The following BBOX1 variants were observed in gnomAD, a reference collection of about 807,000 sequenced individuals.
BBOX1 encodes gamma-butyrobetaine dioxygenase.
BBOX1 carries 35 observed loss-of-function variants against 41.6 expected under a neutral mutation model. The observed-to-expected ratio is 0.84, with a 90% CI of 0.64 to 1.11. The LOEUF is 1.11. Among genes scored for constraint, BBOX1 ranks in the 50% most tolerant of loss-of-function variants. The probability of loss-of-function intolerance (pLI) is 0.00; values close to 1 mark genes in which losing one functional copy is unlikely to be tolerated. For missense variants in BBOX1, 458 were observed against 460.6 expected, an observed-to-expected ratio of 0.99 and a Z score of 0.05; for synonymous variants, 163 against 154.7, an observed-to-expected ratio of 1.05 and a Z score of -0.40.
chr11:27,073,915 G>A (rs1857548697), intron 4 of BBOX1, among the ~76,000 whole-genome samples: 1 of 152,010 alleles, frequency 6.6e-6, no homozygotes, highest in African/African-American at 2.4e-5. Context: ...GCCTGTTGTG[G>A]GGTGGGGGTA....
intron 4 of BBOX1, among the ~76,000 whole-genome samples, chr11:27,084,348 C>T (rs1180889004): frequency 6.6e-6 from 1 of 152,074 alleles, no homozygotes; most frequent in East Asian, 1.9e-4. Flanking sequence ...AAATTTCTTG[C>T]ATTCAAATCT....
intron 5 of BBOX1, among the ~76,000 whole-genome samples, chr11:27,097,944 G>C (rs1455533349): frequency 6.6e-6 from 1 of 151,908 alleles, no homozygotes; most frequent in Non-Finnish European, 1.5e-5. Flanking sequence ...ATCCAACTCA[G>C]ACACATGCCA....
At chr11:27,089,503 T>C (rs540304137) in intron 4 of BBOX1, among the ~76,000 whole-genome samples, 1 of 152,180 alleles carries the variant, frequency 6.6e-6, no homozygotes, top group Admixed American at 6.6e-5. Flanking sequence ...CCTAATTCCA[T>C]ACAACAGTCT....
rs763615718 is a variant in BBOX1, at chr11:27,055,624, A to T, written c.194A>T (p.Lys65Ile). 1.2e-6 allele frequency: 2 copies of T among 1,613,720 alleles called. No homozygotes were observed. The highest frequency in any genetic ancestry group is 1.7e-6 in the Non-Finnish European group (2 of 1,179,768). ...VEALDVNIGI[K>I]GLIFDRKKVY... is the part of the protein sequence containing the mutation. ...GCTCTTGATGTGAACATTGGAATTA[A>T]AGGCTTGATATTTGACAGAAAAAAG... Residue 65 changes from lysine (K) to isoleucine (I), a missense_variant, in exon 3 of 9, where the codon AAA (lysine) becomes ATA (isoleucine). Lys to Ile is a moderately radical substitution (Grantham distance 102, BLOSUM62 -3). Transcript: ENST00000263182.
intron 4 of BBOX1, among the ~76,000 whole-genome samples, chr11:27,092,913 T>C (rs574096631): frequency 4.6e-5 from 7 of 152,008 alleles, no homozygotes; most frequent in African/African-American, 7.2e-5. Context: ...CTAAACAATA[T>C]TCCCTTAACA....
chr11:27,073,534 C>T (rs1857528900), intron 4 of BBOX1, among the ~76,000 whole-genome samples: 1 of 148,358 alleles, frequency 6.7e-6, no homozygotes, highest in African/African-American at 2.6e-5. Context: ...ACTAGAAATA[C>T]CATTTGACCC....
At chr11:27,057,869 A>G (rs1477931890) in intron 4 of BBOX1, among the ~76,000 whole-genome samples, 3 of 152,160 alleles carry the variant, frequency 2.0e-5, no homozygotes, top group Non-Finnish European at 4.4e-5. Context: ...ATAGGTTTCA[A>G]GGGGATCCAT....
chr11:27,091,829 T>G (rs148492695), intron 4 of BBOX1, among the ~76,000 whole-genome samples: 1 of 152,102 alleles, frequency 6.6e-6, no homozygotes, highest in Non-Finnish European at 1.5e-5. Context: ...AAAAAATAAT[T>G]AATGCAGCTC....
At chr11:27,048,123 C>T (rs1851546600) in intron 2 of BBOX1, among the ~76,000 whole-genome samples, 1 of 152,038 alleles carries the variant, frequency 6.6e-6, no homozygotes, top group Admixed American at 6.6e-5. Context: ...GGGGTGAGAA[C>T]ACTTGAGATC....
chr11:27,095,311 G>A (rs1467031222), intron 5 of BBOX1, among the ~76,000 whole-genome samples: 1 of 151,944 alleles, frequency 6.6e-6, no homozygotes, highest in Non-Finnish European at 1.5e-5. Context: ...CTTTGTTGGA[G>A]TTCTCTAAAC....
At chr11:27,118,941 A>AT (rs1232713187) in intron 6 of BBOX1, among the ~76,000 whole-genome samples, 1 of 150,082 alleles carries the variant, frequency 6.7e-6, no homozygotes, top group Non-Finnish European at 1.5e-5. Context: ...AAAAAAAAAC[A>AT]TAATCCTATG....
At chr11:27,053,334 A>G (rs2133956088) in intron 2 of BBOX1, among the ~76,000 whole-genome samples, 1 of 152,342 alleles carries the variant, frequency 6.6e-6, no homozygotes, top group Non-Finnish European at 1.5e-5. Context: ...AGATAACTTG[A>G]TCAAGAGTAA....
chr11:27,087,739 A>G (rs1184875460), intron 4 of BBOX1, among the ~76,000 whole-genome samples: 2 of 152,030 alleles, frequency 1.3e-5, no homozygotes, highest in Non-Finnish European at 2.9e-5. Context: ...AGCATAATCA[A>G]ATTTAGGAGA....
intron 4 of BBOX1, among the ~76,000 whole-genome samples, chr11:27,084,567 G>T (rs906483352): frequency 6.6e-6 from 1 of 152,094 alleles, no homozygotes; most frequent in African/African-American, 2.4e-5. Flanking sequence ...AGGGCCCCTA[G>T]AAGGTATTTA....
intron 4 of BBOX1, among the ~76,000 whole-genome samples, chr11:27,092,372 C>T (rs1458230123): frequency 6.6e-6 from 1 of 151,894 alleles, no homozygotes; most frequent in Non-Finnish European, 1.5e-5. Flanking sequence ...TCAGGCTTTT[C>T]CTGAATTCAG....
At chr11:27,057,063 T>TAAAAAA (rs1459422645) in intron 3 of BBOX1, 138 bp from the exon 4 acceptor site, 1,899 of 149,216 alleles carry the variant, frequency 0.013, 12 homozygotes, top group Admixed American at 0.021. Context: ...AGACTCCGAC[T>TAAAAAA]TAAAAAAAAA....
chr11:27,045,237 A>T (rs944523492), intron 2 of BBOX1, among the ~76,000 whole-genome samples: 7 of 151,978 alleles, frequency 4.6e-5, no homozygotes, highest in African/African-American at 1.7e-4. Flanking sequence ...TTTGTCTGTT[A>T]TTGGTGTATA....
intron 2 of BBOX1, among the ~76,000 whole-genome samples, chr11:27,054,500 A>G (rs1443104780): frequency 6.6e-6 from 1 of 152,188 alleles, no homozygotes; most frequent in East Asian, 1.9e-4. Context: ...ATATATAGTC[A>G]CTAATGGAAT....
At chr11:27,092,739 A>G (rs1395596264) in intron 4 of BBOX1, among the ~76,000 whole-genome samples, 1 of 151,928 alleles carries the variant, frequency 6.6e-6, no homozygotes, top group African/African-American at 2.4e-5. Flanking sequence ...CCAGCTCCCA[A>G]GAGTAGACAT....
Sources: gnomAD v4.1 joint callset for allele counts (sites outside exome capture counted in the v4.1 genomes callset) on GRCh38, gnomAD v4.1.1 for gene constraint, MANE v1.5 for transcripts, NCBI Gene and HGNC (gene_info 2026-07-23, HGNC 2026-07-21) for gene names.